The following A1CF variants were observed in gnomAD, a reference collection of about 807,000 sequenced individuals.
A1CF encodes APOBEC-1 stimulating protein.
A neutral mutation model predicts 68.9 loss-of-function variants in A1CF; 48 were observed. The ratio of observed to expected loss-of-function variants is 0.70; its 90% CI spans 0.55 to 0.89. The LOEUF is 0.89. Among genes scored for constraint, A1CF ranks in the 40% least tolerant of loss-of-function variants. A1CF has a pLI of 0.00. For synonymous variants in A1CF, 272 were observed against 260.4 expected (o/e 1.04, Z -0.43); for missense variants, 653 against 718.9 (o/e 0.91, Z 1.05).
chr10:50,816,192 T>G lies in A1CF; in HGVS notation c.955A>C (p.Arg319=), dbSNP rs1838363915. ...YVRYTRGTGG[R]GTMLQGEYTY... ...TACTCTCCTTGCAGCATGGTGCCCCTTCCACCTGTGCCTCGGGTATACCTA... is the reference window on the plus strand; with the variant it reads ...TACTCTCCTTGCAGCATGGTGCCCCGTCCACCTGTGCCTCGGGTATACCTA... The change falls in exon 9 of 13, where the codon AGG becomes CGG. Residue 319 remains arginine, a synonymous_variant. Transcript: ENST00000373997. The G allele has an allele frequency of 1.2e-6, 2 of 1,613,690 alleles. No homozygotes were observed. The highest frequency in any genetic ancestry group is 1.7e-6 in the Non-Finnish European group (2 of 1,179,848).
At chr10:50,884,112 A>G (rs190422639) in intron 1 of A1CF, among the ~76,000 whole-genome samples, 4 of 152,334 alleles carry the variant, frequency 2.6e-5, no homozygotes, top group African/African-American at 9.6e-5. Context: ...TTGACAATGG[A>G]GTTGCTTTTC....
intron 3 of A1CF, among the ~76,000 whole-genome samples, chr10:50,847,713 A>G (rs1249505812): frequency 6.6e-6 from 1 of 152,134 alleles, no homozygotes; most frequent in Non-Finnish European, 1.5e-5. Context: ...TGGGGCCATC[A>G]TGGTTATTGG....
rs936710140 is a variant in A1CF, at chr10:50,863,220, G to A, written c.-46+813C>T. Among the ~76,000 whole-genome samples, 9 of 152,028 alleles carry A rather than the reference G, an allele frequency of 5.9e-5. No individual in the cohort carries two copies. The East Asian group carries it at 1.7e-3, about 29-fold the overall frequency. ...ACACTTAATCTTTAATTTTTATTTT[G>A]CAAAAACAACCCCCTCTCAAAGTGT... On this transcript the variant is annotated intron_variant, in intron 2 of 12. Transcript: ENST00000373997.
chr10:50,885,050 C>G (rs1237905822), intron 1 of A1CF, among the ~76,000 whole-genome samples: 1 of 152,110 alleles, frequency 6.6e-6, no homozygotes, highest in Non-Finnish European at 1.5e-5. Flanking sequence ...CTTTGGTTAG[C>G]AAGATAATGG....
At chr10:50,826,366 G>T (rs953430653) in intron 7 of A1CF, among the ~76,000 whole-genome samples, 3 of 152,016 alleles carry the variant, frequency 2.0e-5, no homozygotes, top group Non-Finnish European at 2.9e-5. Flanking sequence ...CTAAATAAAA[G>T]CATTTCTATT....
At chr10:50,885,249 T>C (rs747199176) in intron 1 of A1CF, among the ~76,000 whole-genome samples, 5 of 152,154 alleles carry the variant, frequency 3.3e-5, no homozygotes, top group Non-Finnish European at 5.9e-5. Flanking sequence ...GTCCTAGGAT[T>C]GGGACAGGCA....
rs148220589 is a variant in A1CF at position 50,801,393 on chromosome 10, GGT to G, written c.*5334_*5335del. 9.3e-5 allele frequency: 14 copies of G among 151,318 alleles called. No homozygotes were observed. In the East Asian group the frequency reaches 2.1e-3, roughly 23 times the overall value. 9.4% of individuals were successfully genotyped at this position (151,318 alleles called of 1,614,324 possible). On this transcript the variant is annotated 3_prime_UTR_variant, in exon 13 of 13. Transcript: ENST00000373997. ...CAACAACAACCCATAAAGATGGTGG[GGT>G]GTGTGTGTGTGTGTTGGGGGCAGAC... is the stretch of plus-strand genomic sequence containing the variant.
At chr10:50,826,825 GAC>G (rs1486841912) in intron 7 of A1CF, among the ~76,000 whole-genome samples, 1 of 152,082 alleles carries the variant, frequency 6.6e-6, no homozygotes, top group Non-Finnish European at 1.5e-5. Context: ...CCAATTAAAA[GAC>G]ACAGACTGGC....
At chr10:50,866,599 CT>C (rs1841002395) in intron 1 of A1CF, among the ~76,000 whole-genome samples, 1 of 152,196 alleles carries the variant, frequency 6.6e-6, no homozygotes, top group Non-Finnish European at 1.5e-5. Context: ...GTAGTACATT[CT>C]GACTTTTCTA....
rs1485766563 is a variant in A1CF, at chr10:50,800,601, G to T, written c.*6128C>A. 2 of 152,118 alleles carry T rather than the reference G, an allele frequency of 1.3e-5. No individual in the cohort carries two copies. The highest frequency in any genetic ancestry group is 4.8e-5 in the African/African-American group (2 of 41,428). 9.4% of individuals were successfully genotyped at this position (152,118 alleles called of 1,614,324 possible). On this transcript the variant is annotated 3_prime_UTR_variant, in exon 13 of 13. Coordinates refer to ENST00000373997, the MANE Select transcript of A1CF (RefSeq NM_014576.4). ...CACAGTTTCTGGTATAAGAGTAGGT[G>T]CATAGTAAACACAGGCTGATCATAT...
At chr10:50,809,515 A>G (rs1306585284) in intron 12 of A1CF, among the ~76,000 whole-genome samples, 7 of 152,160 alleles carry the variant, frequency 4.6e-5, no homozygotes, top group African/African-American at 1.7e-4. Flanking sequence ...AAGATATTAT[A>G]ACGCTTCCTG....
At chr10:50,860,112 T>C in intron 2 of A1CF, 127 bp from the exon 3 acceptor site, 1 of 592,846 alleles carries the variant, frequency 1.7e-6, no homozygotes, top group Non-Finnish European at 3.0e-6. Context: ...CAACTAAGAG[T>C]TACATACAAA....
intron 1 of A1CF, among the ~76,000 whole-genome samples, chr10:50,878,861 A>G (rs1242092695): frequency 6.6e-6 from 1 of 152,216 alleles, no homozygotes; most frequent in Non-Finnish European, 1.5e-5. Context: ...GTGATACTCA[A>G]ATGACTTTAC....
rs948502637 is a variant in A1CF at position 50,837,930 on chromosome 10, A to C, written c.366-1618T>G. Among the ~76,000 whole-genome samples, 4 of 152,226 alleles carry C rather than the reference A, an allele frequency of 2.6e-5. No homozygotes were observed. The East Asian group carries it at 7.7e-4, about 29-fold the overall frequency. On this transcript the variant is annotated intron_variant, in intron 5 of 12. Transcript: ENST00000373997. ...CCATTTTGATTAAAAATGTTTAGAA[A>C]AATCTGGAAAGACAATAAAATATCA... is the stretch of plus-strand genomic sequence containing the variant.
chr10:50,861,622 T>C (rs1368290244), intron 2 of A1CF, among the ~76,000 whole-genome samples: 1 of 147,984 alleles, frequency 6.8e-6, no homozygotes, highest in Non-Finnish European at 1.5e-5. Flanking sequence ...CTAATAACAC[T>C]AGTATTACTA....
chr10:50,843,971 G>T lies in A1CF; in HGVS notation c.234+17C>A, dbSNP rs778601369. The T allele has an allele frequency of 5.6e-6, 9 of 1,612,104 alleles. No homozygotes were observed. The Admixed American group carries it at 1.5e-4, about 27-fold the overall frequency. On this transcript the variant is annotated intron_variant, in intron 4 of 12. Transcript: ENST00000373997. Reference sequence around the variant, plus strand: ...CCTTGAACGATAAGAAAAATTAAATGTTAAATTTGGACTCACTTTTTCACA... The same window carrying T: ...CCTTGAACGATAAGAAAAATTAAATTTTAAATTTGGACTCACTTTTTCACA...
rs1167267463 is a variant in A1CF at position 50,883,643 on chromosome 10, A to G, written c.-94+1938T>C. ...TTGTTCTGTATTCTGAGAAATGCCA[A>G]TTTTGAGAGATATTGATAGATGTTC... On this transcript the variant is annotated intron_variant, in intron 1 of 12. Transcript: ENST00000373997. Among the ~76,000 whole-genome samples, 12 of 152,200 alleles carry G rather than the reference A, an allele frequency of 7.9e-5. No individual in the cohort carries two copies. In the South Asian group the frequency reaches 1.2e-3, roughly 16 times the overall value.
At chr10:50,813,731 A>T (rs1838231033) in intron 10 of A1CF, 126 bp downstream of exon 10, 2 of 894,144 alleles carry the variant, frequency 2.2e-6, no homozygotes, top group African/African-American at 1.7e-5. Context: ...CATTCATTGG[A>T]TGCTTTATAT....
intron 2 of A1CF, among the ~76,000 whole-genome samples, chr10:50,861,687 A>C (rs545445508): frequency 6.8e-6 from 1 of 147,934 alleles, no homozygotes; most frequent in Admixed American, 6.8e-5. Flanking sequence ...AGTAATACCA[A>C]TATAGTAATA....
Sources: allele counts gnomAD v4.1 joint callset (sites outside exome capture counted in the v4.1 genomes callset), GRCh38; gene constraint gnomAD v4.1.1; transcripts MANE v1.5; gene names NCBI Gene and HGNC (gene_info 2026-07-23, HGNC 2026-07-21).